TPCN2: variants seen among roughly 807,000 people sequenced by gnomAD.
The protein encoded by TPCN2 is two pore channel protein 2.
In TPCN2, 92 loss-of-function variants were observed where a neutral mutation model predicts 111.4. The observed-to-expected ratio is 0.83, with a 90% CI of 0.70 to 0.98. TPCN2 has a LOEUF of 0.98. TPCN2 is among the 50% of genes least tolerant of loss of function. TPCN2 has a pLI of 0.00. For synonymous variants in TPCN2, 405 were observed against 414.5 expected, an observed-to-expected ratio of 0.98 and a Z score of 0.28; for missense variants, 995 against 980.1, an observed-to-expected ratio of 1.02 and a Z score of -0.20.
chr11:69,073,634 T>A (rs1265554148), intron 13 of TPCN2, among the ~76,000 whole-genome samples: 3 of 152,240 alleles, frequency 2.0e-5, no homozygotes, highest in Admixed American at 6.5e-5. Context: ...GGGGCAGGGC[T>A]GAAGCAGCAG....
chr11:69,076,982 C>T (rs1486706999), intron 13 of TPCN2, among the ~76,000 whole-genome samples: 4 of 86,614 alleles, frequency 4.6e-5, no homozygotes, highest in Admixed American at 1.2e-4. Flanking sequence ...CTGCCATGTC[C>T]CTCCACCTGC....
rs150476703 is a variant in TPCN2, at chr11:69,086,579, A to G, written c.2060A>G (p.Asn687Ser). Residue 687 changes from asparagine (N) to serine (S), a missense_variant, in exon 23 of 25, where the codon AAC (asparagine) becomes AGC (serine). Physicochemically the swap from Asn to Ser is conservative, Grantham distance 46. Transcript: ENST00000294309. ...CTGGTGTCGTCTGTCATCTGGGTCA[A>G]CCTGTTTCTGGCCCTGATTCTGGAG... ...WWLVSSVIWV[N>S]LFLALILENF... The G allele has an allele frequency of 3.4e-4, 545 of 1,613,136 alleles. 3 individuals are homozygous for G. Among genetic ancestry groups the G allele is most frequent in the Admixed American group, 1.4e-3 (85 of 59,940 alleles).
intron 5 of TPCN2, among the ~76,000 whole-genome samples, chr11:69,058,047 A>G (rs1854853639): frequency 6.6e-6 from 1 of 152,184 alleles, no homozygotes; most frequent in Admixed American, 6.5e-5. Flanking sequence ...GGGCCTCACC[A>G]TGCCCCGTAG....
chr11:69,077,035 A>G (rs373392945), intron 13 of TPCN2, among the ~76,000 whole-genome samples: 9 of 35,994 alleles, frequency 2.5e-4, no homozygotes, highest in South Asian at 1.8e-3. Flanking sequence ...CCCTCCTGCC[A>G]TGTCCCTCCA....
chr11:69,066,252 G>A (rs775445791), intron 7 of TPCN2, among the ~76,000 whole-genome samples: 1 of 152,084 alleles, frequency 6.6e-6, no homozygotes, highest in East Asian at 1.9e-4. Context: ...TGCCGTCCCC[G>A]GTGACTGCTG....
chr11:69,074,225 GGCCCT>G (rs1350926194), intron 13 of TPCN2, among the ~76,000 whole-genome samples: 1 of 152,194 alleles, frequency 6.6e-6, no homozygotes, highest in African/African-American at 2.4e-5. Flanking sequence ...TCTGTAGTCA[GGCCCT>G]GCCCCAGCCT....
chr11:69,072,739 G>C (rs1387617863), intron 12 of TPCN2, 31 bp downstream of exon 12: 1 of 1,612,546 alleles, frequency 6.2e-7, no homozygotes, highest in Non-Finnish European at 8.5e-7. Context: ...GCCTCCTCTG[G>C]GCTCCTCCCG....
intron 10 of TPCN2, among the ~76,000 whole-genome samples, 153 bp from the exon 11 acceptor site, chr11:69,071,770 G>C (rs571563018): frequency 6.6e-6 from 1 of 152,318 alleles, no homozygotes; most frequent in East Asian, 1.9e-4. Context: ...TCATTCCTGG[G>C]GGGTGAGGGG....
intron 18 of TPCN2, 22 bp downstream of exon 18, chr11:69,081,521 A>G (rs368433825): frequency 1.8e-4 from 264 of 1,498,992 alleles, no homozygotes; most frequent in Non-Finnish European, 2.4e-4. Flanking sequence ...CCCCACCCCC[A>G]CTCGCCCCAC....
At position 69,071,376 on chromosome 11, in the gene TPCN2, C is replaced by T. The variant is rs959009613; in HGVS notation, c.916C>T (p.Leu306=). Residue 306 remains leucine, a synonymous_variant, in exon 10 of 25, where the codon CTG becomes TTG. Coordinates refer to ENST00000294309, the MANE Select transcript of TPCN2 (RefSeq NM_139075.4). ...TVIGSLFLMN[L]LTAIIYSQFR... ...TGAAGGAAGCCTGTTTCTGATGAAC[C>T]TGCTGACAGCCATCATCTACAGTCA... 5.8e-5 allele frequency: 93 copies of T among 1,613,772 alleles called. 1 individual carries two copies. In the East Asian group the frequency reaches 2.0e-3, roughly 34 times the overall value.
At chr11:69,075,275 A>G (rs754290115) in intron 13 of TPCN2, among the ~76,000 whole-genome samples, 9 of 152,156 alleles carry the variant, frequency 5.9e-5, no homozygotes, top group Non-Finnish European at 1.3e-4. Context: ...GCCCCTCGGT[A>G]TCTGCAGGGA....
intron 7 of TPCN2, among the ~76,000 whole-genome samples, chr11:69,064,576 G>A (rs1855179995): frequency 6.6e-6 from 1 of 152,192 alleles, no homozygotes. Flanking sequence ...CCGCTCCAGT[G>A]CTATGTGTTT....
Position 69,087,136 on chromosome 11 carries a change from C to T in TPCN2, c.2110C>T (p.Arg704Cys), listed in dbSNP as rs376388159. 4.4e-5 allele frequency: 71 copies of T among 1,613,786 alleles called. No homozygotes were observed. Among genetic ancestry groups the T allele is most frequent in the African/African-American group, 8.0e-5 (6 of 74,904 alleles). ...LENFLHKWDP[R>C]SHLQPLAGTP... ...GAACTTCCTTCACAAGTGGGACCCC[C>T]GCAGCCACCTGCAGCCCCTTGCTGG... The change falls in exon 24 of 25, where the codon CGC (arginine) becomes TGC (cysteine). Residue 704 changes from arginine (R) to cysteine (C), a missense_variant. Physicochemically the swap from Arg to Cys is radical, Grantham distance 180. Transcript: ENST00000294309.
chr11:69,083,780 T>TAGAG (rs2134638214), intron 18 of TPCN2, among the ~76,000 whole-genome samples, 165 bp from the exon 19 acceptor site: 1 of 152,076 alleles, frequency 6.6e-6, no homozygotes, highest in South Asian at 2.1e-4. Flanking sequence ...TGTGGGTGTG[T>TAGAG]AGAGGCGTGT....
At position 69,086,738 on chromosome 11, in the gene TPCN2, G is replaced by C. The variant is rs753642375; in HGVS notation, c.2085+134G>C. 18 of 827,628 alleles carry C rather than the reference G, an allele frequency of 2.2e-5. No homozygotes were observed. In the South Asian group the frequency reaches 2.8e-4, roughly 13 times the overall value. 51.3% of individuals were successfully genotyped at this position (827,628 alleles called of 1,614,324 possible). ...TCGTGCTGGGTTAGGCGGGTCCTGA[G>C]TGAGGCTGAGCCCCTCCCGTGGGGC... On this transcript the variant is annotated intron_variant, in intron 23 of 24. Transcript: ENST00000294309.
chr11:69,053,209 G>A (rs1372951736), intron 1 of TPCN2, among the ~76,000 whole-genome samples: 1 of 152,230 alleles, frequency 6.6e-6, no homozygotes, highest in East Asian at 1.9e-4. Flanking sequence ...GCCCAGGCCT[G>A]CCGGGAGGCT....
At chr11:69,053,191 C>T (rs1861308769) in intron 1 of TPCN2, among the ~76,000 whole-genome samples, 1 of 152,224 alleles carries the variant, frequency 6.6e-6, no homozygotes, top group African/African-American at 2.4e-5. Context: ...GGAGCCACTG[C>T]CGCTTTTGCC....
intron 8 of TPCN2, among the ~76,000 whole-genome samples, chr11:69,069,979 G>A (rs1373398379): frequency 6.6e-6 from 1 of 152,196 alleles, no homozygotes; most frequent in South Asian, 2.1e-4. Flanking sequence ...GCCCTCCCAG[G>A]AGACCTCCTT....
intron 3 of TPCN2, among the ~76,000 whole-genome samples, 154 bp downstream of exon 3, chr11:69,054,951 G>A (rs146364694): frequency 3.9e-5 from 6 of 152,264 alleles, no homozygotes; most frequent in African/African-American, 1.4e-4. Flanking sequence ...GAAAGGAGAC[G>A]GCCTGTGATG....
Sources: gnomAD v4.1 joint callset for allele counts (sites outside exome capture counted in the v4.1 genomes callset) on GRCh38, gnomAD v4.1.1 for gene constraint, MANE v1.5 for transcripts, NCBI Gene and HGNC (gene_info 2026-07-23, HGNC 2026-07-21) for gene names.